GPC5: variants seen among roughly 807,000 people sequenced by gnomAD.
GPC5 encodes glypican 5.
In GPC5, 47 loss-of-function variants were observed where a neutral mutation model predicts 53.9. The observed-to-expected ratio is 0.87, with a 90% CI of 0.69 to 1.11. The LOEUF (loss-of-function observed/expected upper bound fraction) is 1.11, where lower values mean the gene tolerates loss of function less well. Ranked by LOEUF, GPC5 falls within the 50% of genes most tolerant of loss-of-function variation. The pLI is 0.00. For missense variants in GPC5, 748 were observed against 713.1 expected, an observed-to-expected ratio of 1.05 and a Z score of -0.56; for synonymous variants, 286 against 263.3, an observed-to-expected ratio of 1.09 and a Z score of -0.84.
At chr13:91,479,481 A>G (rs1225757296) in intron 2 of GPC5, among the ~76,000 whole-genome samples, 2 of 152,152 alleles carry the variant, frequency 1.3e-5, no homozygotes, top group African/African-American at 2.4e-5. Flanking sequence ...GATTTCTGAG[A>G]GTAAGAATAA....
At chr13:91,783,577 G>A (rs1489668185) in intron 5 of GPC5, among the ~76,000 whole-genome samples, 5 of 151,982 alleles carry the variant, frequency 3.3e-5, no homozygotes, top group Admixed American at 2.6e-4. Context: ...GGGATTATAG[G>A]CACATGCCAC....
intron 2 of GPC5, among the ~76,000 whole-genome samples, chr13:91,588,049 A>G (rs528066167): frequency 3.9e-5 from 6 of 152,230 alleles, no homozygotes; most frequent in South Asian, 4.1e-4. Context: ...CAAATCATCT[A>G]TGCTACCTTA....
intron 7 of GPC5, among the ~76,000 whole-genome samples, chr13:92,745,225 T>C (rs1260677454): frequency 6.6e-6 from 1 of 152,092 alleles, no homozygotes; most frequent in East Asian, 1.9e-4. Flanking sequence ...TGGGTCTTTT[T>C]ACTTTTTGGA....
At chr13:92,546,279 C>T (rs1045763939) in intron 7 of GPC5, among the ~76,000 whole-genome samples, 2 of 152,106 alleles carry the variant, frequency 1.3e-5, no homozygotes, top group Non-Finnish European at 2.9e-5. Context: ...ATCGTCTCAA[C>T]CCAAGATCTC....
At chr13:91,451,468 C>T (rs1408546182) in intron 2 of GPC5, among the ~76,000 whole-genome samples, 3 of 152,032 alleles carry the variant, frequency 2.0e-5, no homozygotes, top group Non-Finnish European at 2.9e-5. Flanking sequence ...GTTAAAAATG[C>T]ATGAGGGAGA....
At chr13:91,772,744 AGTGGTCTCCAAAGT>A (rs1467067844) in intron 5 of GPC5, among the ~76,000 whole-genome samples, 1 of 152,176 alleles carries the variant, frequency 6.6e-6, no homozygotes, top group Non-Finnish European at 1.5e-5. Flanking sequence ...CCTCAAGTGC[AGTGGTCTCCAAAGT>A]GTGGTCCCCA....
chr13:92,066,733 TTTC>T (rs2041170641), intron 6 of GPC5, among the ~76,000 whole-genome samples: 1 of 152,172 alleles, frequency 6.6e-6, no homozygotes, highest in African/African-American at 2.4e-5. Flanking sequence ...ATCAAGATAT[TTTC>T]TTCTATTTTA....
At chr13:91,701,750 T>A (rs1299443277) in intron 3 of GPC5, among the ~76,000 whole-genome samples, 1 of 152,118 alleles carries the variant, frequency 6.6e-6, no homozygotes, top group Non-Finnish European at 1.5e-5. Context: ...ACTGCTGCAA[T>A]AAACATGGGA....
chr13:92,484,217 A>T (rs1055744939), intron 7 of GPC5, among the ~76,000 whole-genome samples: 1 of 152,140 alleles, frequency 6.6e-6, no homozygotes, highest in Non-Finnish European at 1.5e-5. Flanking sequence ...CACATCTTGT[A>T]CTACTGGAGG....
intron 6 of GPC5, among the ~76,000 whole-genome samples, chr13:92,103,245 A>G (rs2041481101): frequency 6.6e-6 from 1 of 152,146 alleles, no homozygotes; most frequent in African/African-American, 2.4e-5. Context: ...ACGAGGAATT[A>G]CATATAATAG....
intron 7 of GPC5, among the ~76,000 whole-genome samples, chr13:92,834,730 G>A (rs1394076205): frequency 2.6e-5 from 4 of 152,082 alleles, no homozygotes. Context: ...GTATTTTAGA[G>A]AAAATGTATA....
intron 7 of GPC5, among the ~76,000 whole-genome samples, chr13:92,736,424 A>C (rs1888936336): frequency 6.6e-6 from 1 of 151,916 alleles, no homozygotes; most frequent in Non-Finnish European, 1.5e-5. Flanking sequence ...CACCTTCTTC[A>C]TTAAGTCCTT....
chr13:91,975,354 T>G (rs995469951), intron 6 of GPC5, among the ~76,000 whole-genome samples: 4 of 151,510 alleles, frequency 2.6e-5, no homozygotes. Context: ...TGGGAGAAAA[T>G]TTTTGCAACC....
At chr13:92,436,498 G>T (rs574838306) in intron 7 of GPC5, among the ~76,000 whole-genome samples, 1 of 152,040 alleles carries the variant, frequency 6.6e-6, no homozygotes, top group Admixed American at 6.6e-5. Flanking sequence ...ACAGTTCTTG[G>T]CACTATTTTC....
chr13:91,971,209 C>T (rs564922098), intron 6 of GPC5, among the ~76,000 whole-genome samples: 117 of 152,104 alleles, frequency 7.7e-4, no homozygotes, highest in African/African-American at 2.6e-3. Context: ...GTGTATGTGT[C>T]GAGGAATTTA....
At chr13:92,481,031 A>G (rs1243164269) in intron 7 of GPC5, among the ~76,000 whole-genome samples, 4 of 152,162 alleles carry the variant, frequency 2.6e-5, no homozygotes, top group Non-Finnish European at 5.9e-5. Context: ...CATCCAGACA[A>G]TGTCACTCAG....
intron 7 of GPC5, among the ~76,000 whole-genome samples, chr13:92,226,612 CT>C (rs1200645123): frequency 8.8e-5 from 13 of 148,570 alleles, no homozygotes; most frequent in South Asian, 2.2e-4. Context: ...ACAAGCAGAA[CT>C]TTTTTTTTTC....
intron 1 of GPC5, among the ~76,000 whole-genome samples, chr13:91,424,474 C>A (rs1878878109): frequency 6.6e-6 from 1 of 151,034 alleles, no homozygotes; most frequent in African/African-American, 2.4e-5. Flanking sequence ...AAGCAATTCT[C>A]CTACCTCAGC....
chr13:92,125,208 G>A (rs1377786152), intron 6 of GPC5, among the ~76,000 whole-genome samples: 2 of 152,134 alleles, frequency 1.3e-5, no homozygotes, highest in African/African-American at 4.8e-5. Context: ...AGTGAATTTG[G>A]AAATAAATAA....
Sources: gnomAD v4.1 joint callset for allele counts (sites outside exome capture counted in the v4.1 genomes callset) on GRCh38, gnomAD v4.1.1 for gene constraint, MANE v1.5 for transcripts, NCBI Gene and HGNC (gene_info 2026-07-23, HGNC 2026-07-21) for gene names.